Variants in ARHGAP22 observed in about 807,000 individuals in gnomAD.
ARHGAP22 encodes rho GTPase-activating protein 22.
ARHGAP22 carries 48 observed loss-of-function variants against 59.1 expected under a neutral mutation model. The ratio of observed to expected loss-of-function variants is 0.81; its 90% CI spans 0.64 to 1.03. The LOEUF (loss-of-function observed/expected upper bound fraction) is 1.03, where lower values mean the gene tolerates loss of function less well. Among genes scored for constraint, ARHGAP22 ranks in the 50% least tolerant of loss-of-function variants. ARHGAP22 has a pLI of 0.00. For synonymous variants in ARHGAP22, 445 were observed against 416.4 expected (o/e 1.07, Z -0.84); for missense variants, 1,015 against 958.7 (o/e 1.06, Z -0.78).
chr10:48,513,285 C>A (rs969436888), intron 3 of ARHGAP22, among the ~76,000 whole-genome samples: 42 of 152,210 alleles, frequency 2.8e-4, no homozygotes, highest in Non-Finnish European at 1.6e-4. Context: ...GCTTTGAAAA[C>A]CCATGATATA....
intron 4 of ARHGAP22, among the ~76,000 whole-genome samples, chr10:48,468,600 C>T (rs1313170452): frequency 3.9e-5 from 6 of 152,176 alleles, no homozygotes; most frequent in Non-Finnish European, 7.3e-5. Context: ...AAGATAATCA[C>T]GTTGTGTTGT....
intron 3 of ARHGAP22, among the ~76,000 whole-genome samples, chr10:48,543,824 G>GA (rs1041032108): frequency 4.0e-5 from 6 of 150,608 alleles, no homozygotes; most frequent in South Asian, 2.1e-4. Context: ...AAGAAGAACT[G>GA]AAAAAAAAAG....
chr10:48,630,156 AT>A (rs2136088947), intron 1 of ARHGAP22, among the ~76,000 whole-genome samples: 1 of 152,254 alleles, frequency 6.6e-6, no homozygotes, highest in African/African-American at 2.4e-5. Context: ...CAGTGGCGCT[AT>A]CTCAGCTCAC....
At chr10:48,433,611 C>A in the ARHGAP22 span, among the ~76,000 whole-genome samples, 1 of 152,196 alleles carries the variant, frequency 6.6e-6, no homozygotes. Context: ...CCATCACATG[C>A]TTTGTCTCTT....
chr10:48,625,313 T>C (rs891512352), intron 1 of ARHGAP22, among the ~76,000 whole-genome samples: 27 of 152,162 alleles, frequency 1.8e-4, no homozygotes, highest in Admixed American at 1.0e-3. Flanking sequence ...GGAACTCTTA[T>C]AAGTATCTTA....
chr10:48,467,991 G>A (rs2047884327), intron 4 of ARHGAP22, among the ~76,000 whole-genome samples: 1 of 152,126 alleles, frequency 6.6e-6, no homozygotes, highest in Admixed American at 6.5e-5. Context: ...AATTTAAGGG[G>A]CACCCAAAAC....
At position 48,536,438 on chromosome 10, in the gene ARHGAP22, T is replaced by C. The variant is rs529608830; in HGVS notation, c.322+19025A>G. 3.3e-5 allele frequency among the ~76,000 whole-genome samples: 5 copies of C among 152,346 alleles called. No individual in the cohort carries two copies. In the South Asian group the frequency reaches 1.0e-3, roughly 32 times the overall value. On this transcript the variant is annotated intron_variant, in intron 3 of 9. Transcript: ENST00000249601. ...TTTTCCGGGCTGAGTTGGCCTCAGATGGCCAGGTCAGACCCAGCTCTACTG... is the reference window on the plus strand; with the variant it reads ...TTTTCCGGGCTGAGTTGGCCTCAGACGGCCAGGTCAGACCCAGCTCTACTG...
chr10:48,605,106 T>G, upstream of ARHGAP22: 2 of 1,224,176 alleles, frequency 1.6e-6, no homozygotes, highest in Non-Finnish European at 2.1e-6. Context: ...CCGCCTGGCC[T>G]GGGCGCACGC....
intron 1 of ARHGAP22, among the ~76,000 whole-genome samples, chr10:48,640,977 A>G (rs2062021445): frequency 6.6e-6 from 1 of 152,208 alleles, no homozygotes; most frequent in African/African-American, 2.4e-5. Flanking sequence ...GCACAAAGGA[A>G]AATGGATAAA....
At chr10:48,439,096 A>G in the ARHGAP22 span, 1 of 152,028 alleles carries the variant, frequency 6.6e-6, no homozygotes, top group East Asian at 1.9e-4. Flanking sequence ...CCTGAGTATG[A>G]TAGCTGACAT....
intron 3 of ARHGAP22, among the ~76,000 whole-genome samples, chr10:48,540,760 T>G (rs1313960039): frequency 1.3e-5 from 2 of 152,080 alleles, no homozygotes. Context: ...CAACCATGAC[T>G]TTTAGCATTC....
At chr10:48,497,717 G>A (rs537142046) in intron 3 of ARHGAP22, among the ~76,000 whole-genome samples, 1 of 152,248 alleles carries the variant, frequency 6.6e-6, no homozygotes, top group Non-Finnish European at 1.5e-5. Flanking sequence ...TGTCTTCCAG[G>A]TCCCCCTTGG....
intron 4 of ARHGAP22, among the ~76,000 whole-genome samples, chr10:48,470,632 T>C (rs2133953893): frequency 6.6e-6 from 1 of 152,276 alleles, no homozygotes; most frequent in Admixed American, 6.5e-5. Context: ...CATGGACCCT[T>C]AGGGCCCACT....
chr10:48,465,357 C>A (rs115456220), intron 4 of ARHGAP22, among the ~76,000 whole-genome samples: 270 of 152,372 alleles, frequency 1.8e-3, no homozygotes, highest in African/African-American at 6.2e-3. Flanking sequence ...CCCCGGGAAT[C>A]CCACACCGGA....
chr10:48,524,399 G>A (rs1381440589), intron 3 of ARHGAP22, among the ~76,000 whole-genome samples: 2 of 151,804 alleles, frequency 1.3e-5, no homozygotes, highest in Non-Finnish European at 2.9e-5. Flanking sequence ...CCCTGCCCTC[G>A]CCGGCGCCCT....
the ARHGAP22 span, chr10:48,439,308 T>C: frequency 2.0e-5 from 3 of 149,678 alleles, no homozygotes; most frequent in Non-Finnish European, 3.0e-5. Context: ...AGTATGTCAA[T>C]TGGTTATAAT....
chr10:48,627,508 C>G (rs2136073559), intron 1 of ARHGAP22, among the ~76,000 whole-genome samples: 1 of 152,316 alleles, frequency 6.6e-6, no homozygotes, highest in African/African-American at 2.4e-5. Context: ...TGTACTCACT[C>G]TAGGTTCAAG....
chr10:48,592,953 C>G (rs2059852625), intron 1 of ARHGAP22, among the ~76,000 whole-genome samples: 1 of 152,256 alleles, frequency 6.6e-6, no homozygotes, highest in African/African-American at 2.4e-5. Flanking sequence ...TCGCTCAGAG[C>G]AACAGTCAGA....
chr10:48,456,463 G>T (rs898459792), intron 5 of ARHGAP22, among the ~76,000 whole-genome samples: 2 of 152,058 alleles, frequency 1.3e-5, no homozygotes, highest in African/African-American at 2.4e-5. Context: ...CACCCTCCTC[G>T]GCCTTCTCCC....
Sources: gnomAD v4.1 joint callset for allele counts (sites outside exome capture counted in the v4.1 genomes callset) on GRCh38, gnomAD v4.1.1 for gene constraint, MANE v1.5 for transcripts, NCBI Gene and HGNC (gene_info 2026-07-23, HGNC 2026-07-21) for gene names.